Variants in MAGI2 observed in about 807,000 individuals in gnomAD.
MAGI2 encodes the protein membrane associated guanylate kinase, WW and PDZ domain containing 2.
A neutral mutation model predicts 133.3 loss-of-function variants in MAGI2; 35 were observed. The observed-to-expected ratio is 0.26, with a 90% CI of 0.20 to 0.35. The LOEUF is 0.35. MAGI2 is among the 10% of genes least tolerant of loss of function. The probability of loss-of-function intolerance (pLI) is 1.00; values close to 1 mark genes in which losing one functional copy is unlikely to be tolerated. For missense variants in MAGI2, 1,636 were observed against 1,863.4 expected (o/e 0.88, Z 2.25); for synonymous variants, 729 against 710.6 (o/e 1.03, Z -0.41).
intron 1 of MAGI2, among the ~76,000 whole-genome samples, chr7:79,418,824 TACACATACACACACACACACACACAC>T (rs1846724308): frequency 8.4e-6 from 1 of 119,188 alleles, no homozygotes; most frequent in African/African-American, 3.1e-5. Context: ...CAAGTTCCAA[TACACATACACACACACACACACACAC>T]ACACACACAC....
chr7:78,916,443 G>C (rs759523648), intron 2 of MAGI2, among the ~76,000 whole-genome samples: 1 of 151,990 alleles, frequency 6.6e-6, no homozygotes, highest in African/African-American at 2.4e-5. Flanking sequence ...GAAATTTACA[G>C]AAGACCAGTG....
rs1371910810 is a variant in MAGI2, at chr7:78,832,748, A to T, written c.418+174342T>A. ...TTGTAAATACAAAGTGGCATGCAGG[A>T]TTGTGTAAAGACAATGCCAGGTTGG... On this transcript the variant is annotated intron_variant, in intron 2 of 21. Coordinates refer to ENST00000354212, the MANE Select transcript of MAGI2 (RefSeq NM_012301.4). Among the ~76,000 whole-genome samples, 3 of 152,320 alleles carry T rather than the reference A, an allele frequency of 2.0e-5. No individual in the cohort carries two copies. In the East Asian group the frequency reaches 5.8e-4, roughly 29 times the overall value.
At chr7:79,025,900 T>C (rs1372231619) in intron 1 of MAGI2, among the ~76,000 whole-genome samples, 2 of 152,250 alleles carry the variant, frequency 1.3e-5, no homozygotes, top group East Asian at 3.9e-4. Context: ...TATGAGGAAG[T>C]AGTATCAAGC....
intron 21 of MAGI2, among the ~76,000 whole-genome samples, chr7:78,035,751 T>G (rs1186279129): frequency 2.0e-5 from 3 of 151,932 alleles, no homozygotes; most frequent in Non-Finnish European, 4.4e-5. Flanking sequence ...TGAATGTTTT[T>G]TTTTTTTTTA....
intron 2 of MAGI2, among the ~76,000 whole-genome samples, chr7:78,998,454 A>T (rs1562768165): frequency 6.6e-6 from 1 of 152,048 alleles, no homozygotes; most frequent in African/African-American, 2.4e-5. Flanking sequence ...TACCTTTGCC[A>T]AGGCCCTATA....
chr7:78,411,104 G>T (rs1396336096), intron 6 of MAGI2, among the ~76,000 whole-genome samples: 5 of 151,950 alleles, frequency 3.3e-5, no homozygotes, highest in Non-Finnish European at 5.9e-5. Flanking sequence ...AGAGAATTTG[G>T]CCATTGACTC....
chr7:78,538,809 C>T (rs142369293), intron 3 of MAGI2, among the ~76,000 whole-genome samples: 1 of 152,128 alleles, frequency 6.6e-6, no homozygotes, highest in Non-Finnish European at 1.5e-5. Context: ...TTGACTTGCT[C>T]TTTGCTGATT....
chr7:79,012,434 A>T (rs182483029), intron 1 of MAGI2, among the ~76,000 whole-genome samples: 206 of 152,202 alleles, frequency 1.4e-3, no homozygotes, highest in African/African-American at 4.7e-3. Context: ...TGCGCATTAT[A>T]ACAGGCCAAA....
chr7:78,652,371 A>G (rs765816730), intron 2 of MAGI2, among the ~76,000 whole-genome samples: 3 of 152,194 alleles, frequency 2.0e-5, no homozygotes, highest in Non-Finnish European at 4.4e-5. Context: ...ACCTGACTTC[A>G]AACTACACTA....
chr7:78,630,257 A>G (rs1300392942), intron 2 of MAGI2, among the ~76,000 whole-genome samples: 1 of 151,702 alleles, frequency 6.6e-6, no homozygotes, highest in Admixed American at 6.6e-5. Flanking sequence ...TTTTTTGTCT[A>G]TAATTCTAAC....
chr7:78,527,026 A>G lies in MAGI2; in HGVS notation c.539-5381T>C, dbSNP rs201496464. On this transcript the variant is annotated intron_variant, in intron 3 of 21. Transcript: ENST00000354212. ...CATCTCAAAAAAAAAAAAAAAAAAA[A>G]AAAAAAAAGAAAAAGAAAAAAAGAA... 2.2e-3 allele frequency among the ~76,000 whole-genome samples: 331 copies of G among 148,332 alleles called. 6 individuals are homozygous for G. The East Asian group carries it at 0.051, about 23-fold the overall frequency.
intron 1 of MAGI2, among the ~76,000 whole-genome samples, chr7:79,044,790 G>C (rs901670125): frequency 3.9e-5 from 6 of 152,154 alleles, no homozygotes; most frequent in Non-Finnish European, 5.9e-5. Flanking sequence ...TTTAAGCTAA[G>C]AGCAAAATCA....
At chr7:79,067,940 TC>T in intron 1 of MAGI2, among the ~76,000 whole-genome samples, 1 of 152,212 alleles carries the variant, frequency 6.6e-6, no homozygotes, top group Non-Finnish European at 1.5e-5. Context: ...CAGGCTTGCA[TC>T]CTAGGGATGA....
At chr7:79,100,251 T>C (rs1207613626) in intron 1 of MAGI2, among the ~76,000 whole-genome samples, 1 of 152,138 alleles carries the variant, frequency 6.6e-6, no homozygotes, top group African/African-American at 2.4e-5. Context: ...ATCCTAAGCA[T>C]CTGATTAGCA....
chr7:79,261,687 T>C (rs1223493008), intron 1 of MAGI2, among the ~76,000 whole-genome samples: 2 of 152,170 alleles, frequency 1.3e-5, no homozygotes, highest in Non-Finnish European at 2.9e-5. Context: ...TGTCTAGATA[T>C]TGGGTCAATG....
At chr7:78,890,104 C>T (rs529455411) in intron 2 of MAGI2, among the ~76,000 whole-genome samples, 18 of 152,174 alleles carry the variant, frequency 1.2e-4, no homozygotes, top group African/African-American at 4.3e-4. Flanking sequence ...AGACTTTAAA[C>T]CAACAAAAAT....
chr7:78,319,236 G>C (rs1258947593), intron 9 of MAGI2, among the ~76,000 whole-genome samples: 1 of 152,142 alleles, frequency 6.6e-6, no homozygotes, highest in Non-Finnish European at 1.5e-5. Context: ...CATGTGCAAA[G>C]ACACACATAG....
intron 1 of MAGI2, chr7:79,009,194 C>A (rs930478555): frequency 6.6e-6 from 1 of 152,030 alleles, no homozygotes; most frequent in Non-Finnish European, 1.5e-5. Flanking sequence ...TGATTCTTAT[C>A]CCTAAAAATA....
At position 78,844,985 on chromosome 7, in the gene MAGI2, A is replaced by G. The variant is rs377471209; in HGVS notation, c.418+162105T>C. On this transcript the variant is annotated intron_variant, in intron 2 of 21. Transcript: ENST00000354212. ...AATCTATCTCTCAGTTCAGAAGAAA[A>G]TATTTTAAAAACTCTCTGAGTCTTC... Among the ~76,000 whole-genome samples, 9 of 152,082 alleles carry G rather than the reference A, an allele frequency of 5.9e-5. 1 individual carries two copies. The highest frequency in any genetic ancestry group is 2.0e-4 in the Admixed American group (3 of 15,246).
Sources: allele counts gnomAD v4.1 joint callset (sites outside exome capture counted in the v4.1 genomes callset), GRCh38; gene constraint gnomAD v4.1.1; transcripts MANE v1.5; gene names NCBI Gene and HGNC (gene_info 2026-07-23, HGNC 2026-07-21).